CLDN14: variants seen among roughly 807,000 people sequenced by gnomAD.
CLDN14 encodes the protein claudin 14.
A neutral mutation model predicts 2.1 loss-of-function variants in CLDN14; 2 were observed. The observed-to-expected ratio is 0.96, with a 90% confidence interval of 0.39 to 3.01. The LOEUF is 3.01. Among genes scored for constraint, CLDN14 ranks in the 30% most tolerant of loss-of-function variants. The pLI, the probability that CLDN14 is intolerant of heterozygous loss-of-function variation, is 0.09. For missense variants in CLDN14, 298 were observed against 328.0 expected (o/e 0.91, Z 0.71); for synonymous variants, 136 against 154.4 (o/e 0.88, Z 0.88).
chr21:36,486,811 G>T, intron 2 of CLDN14: 1 of 737,934 alleles, frequency 1.4e-6, no homozygotes, highest in South Asian at 1.5e-5. Flanking sequence ...GCGCTTCAGA[G>T]CCAGATGGGC....
Position 36,548,954 on chromosome 21 carries a change from T to A in CLDN14, c.-220+27457A>T, listed in dbSNP as rs112827331. ...GGGCACATTCCAGTTGCTGCATAGTTCACGATGATGCTCTTTCTAGATGTT... is the reference window on the plus strand; with the variant it reads ...GGGCACATTCCAGTTGCTGCATAGTACACGATGATGCTCTTTCTAGATGTT... On this transcript the variant is annotated intron_variant, in intron 1 of 2. Coordinates refer to the CLDN14 transcript ENST00000342108. 4.2e-3 allele frequency among the ~76,000 whole-genome samples: 646 copies of A among 152,326 alleles called. 9 individuals are homozygous for A. Among genetic ancestry groups the A allele is most frequent in the African/African-American group, 0.015 (611 of 41,574 alleles).
intron 2 of CLDN14, chr21:36,486,242 T>G (rs114872540): frequency 0.04 from 34,075 of 849,826 alleles, 958 homozygotes; most frequent in Admixed American, 0.086. Flanking sequence ...AGGGACATCT[T>G]CATGACATAA....
intron 1 of CLDN14, among the ~76,000 whole-genome samples, chr21:36,566,689 T>C (rs1241637443): frequency 6.6e-6 from 1 of 152,230 alleles, no homozygotes; most frequent in Non-Finnish European, 1.5e-5. Context: ...CAGGCTGCCA[T>C]GTGCAAAAGC....
At chr21:36,565,424 T>TTC (rs973210068) in intron 1 of CLDN14, among the ~76,000 whole-genome samples, 26 of 151,858 alleles carry the variant, frequency 1.7e-4, no homozygotes, top group African/African-American at 5.8e-4. Context: ...CCCAAATCTT[T>TTC]TTTTTTTTAA....
chr21:36,552,765 A>G (rs1008620560), intron 1 of CLDN14, among the ~76,000 whole-genome samples: 1 of 152,188 alleles, frequency 6.6e-6, no homozygotes, highest in Admixed American at 6.5e-5. Context: ...ATGAATGCAT[A>G]GGAATGTCAG....
intron 1 of CLDN14, among the ~76,000 whole-genome samples, chr21:36,533,811 A>G (rs2087401404): frequency 6.6e-6 from 1 of 152,114 alleles, no homozygotes; most frequent in African/African-American, 2.4e-5. Context: ...GGACACATAG[A>G]GGGGAACCAC....
intron 2 of CLDN14, among the ~76,000 whole-genome samples, chr21:36,489,592 C>T (rs7279128): frequency 0.14 from 21,837 of 152,064 alleles, 2,139 homozygotes; most frequent in African/African-American, 0.29. Flanking sequence ...GGTGGGGGGC[C>T]GGGGACGACG....
intron 1 of CLDN14, among the ~76,000 whole-genome samples, chr21:36,550,368 C>G (rs773392766): frequency 1.3e-5 from 2 of 152,090 alleles, no homozygotes; most frequent in Non-Finnish European, 2.9e-5. Flanking sequence ...CCCCCTGACC[C>G]CAAAAGTCGA....
At chr21:36,564,879 G>A (rs1216304391) in intron 1 of CLDN14, among the ~76,000 whole-genome samples, 1 of 152,156 alleles carries the variant, frequency 6.6e-6, no homozygotes, top group African/African-American at 2.4e-5. Context: ...CTTTGAAGGT[G>A]GAGAAAGGGG....
At chr21:36,482,787 C>T (rs983037339), upstream of CLDN14, among the ~76,000 whole-genome samples, 2 of 152,134 alleles carry the variant, frequency 1.3e-5, no homozygotes, top group African/African-American at 2.4e-5. Context: ...AAAGTCACGA[C>T]GCTTCCATGA....
chr21:36,528,575 G>T, intron 1 of CLDN14, among the ~76,000 whole-genome samples: 1 of 152,218 alleles, frequency 6.6e-6, no homozygotes. Flanking sequence ...CTCACAGGAA[G>T]GCAGCAATAA....
At chr21:36,476,026 T>A (rs2086774625) in intron 1 of CLDN14, among the ~76,000 whole-genome samples, 1 of 152,142 alleles carries the variant, frequency 6.6e-6, no homozygotes, top group Non-Finnish European at 1.5e-5. Flanking sequence ...CCAAAACGGT[T>A]TAACAGAGAG....
intron 1 of CLDN14, among the ~76,000 whole-genome samples, chr21:36,534,889 A>T (rs2087411996): frequency 1.3e-5 from 2 of 152,128 alleles, no homozygotes; most frequent in Admixed American, 1.3e-4. Context: ...AAATGCAACC[A>T]TCTCCCTCCC....
At chr21:36,505,955 C>T (rs1368548978) in intron 2 of CLDN14, among the ~76,000 whole-genome samples, 2 of 152,158 alleles carry the variant, frequency 1.3e-5, no homozygotes, top group African/African-American at 4.8e-5. Context: ...TTTGGATAGC[C>T]ATTTGGTAAT....
intron 1 of CLDN14, among the ~76,000 whole-genome samples, chr21:36,525,805 G>A (rs1321775295): frequency 1.3e-5 from 2 of 152,132 alleles, no homozygotes; most frequent in East Asian, 3.9e-4. Flanking sequence ...CGGTACCAAG[G>A]AGCCTTGGTA....
chr21:36,485,820 A>G (rs1001100105), intron 2 of CLDN14: 1 of 443,550 alleles, frequency 2.3e-6, no homozygotes. Flanking sequence ...AAGATCAGAT[A>G]TAAACCTGAT....
chr21:36,513,882 G>T (rs1296898827), intron 1 of CLDN14, among the ~76,000 whole-genome samples: 1 of 151,944 alleles, frequency 6.6e-6, no homozygotes, highest in African/African-American at 2.4e-5. Context: ...CTCAGGCTGG[G>T]GTGCAGTGGC....
intron 1 of CLDN14, among the ~76,000 whole-genome samples, chr21:36,533,211 A>AG (rs2087395019): frequency 6.6e-6 from 1 of 152,190 alleles, no homozygotes; most frequent in African/African-American, 2.4e-5. Context: ...AAGTGTGGGA[A>AG]GAGGACCTGG....
In CLDN14 at chr21:36,464,702, G is replaced by A. The variant is rs977696654; in HGVS notation, c.-81-2926C>T. 5.9e-5 allele frequency among the ~76,000 whole-genome samples: 9 copies of A among 152,238 alleles called. No individual in the cohort carries two copies. In the East Asian group the frequency reaches 1.7e-3, roughly 29 times the overall value. Reference sequence around the variant, plus strand: ...AGCACACCGATGGCACCAGCTGACTGAGCCTGAGCATGGTTTGAACACTGA... The same window carrying A: ...AGCACACCGATGGCACCAGCTGACTAAGCCTGAGCATGGTTTGAACACTGA... On this transcript the variant is annotated intron_variant, in intron 1 of 1. Transcript: ENST00000399135.
Sources: gnomAD v4.1 joint callset for allele counts (sites outside exome capture counted in the v4.1 genomes callset) on GRCh38, gnomAD v4.1.1 for gene constraint, MANE v1.5 for transcripts, NCBI Gene and HGNC (gene_info 2026-07-23, HGNC 2026-07-21) for gene names.